Variants in PIBF1 observed in about 807,000 individuals in gnomAD.
PIBF1 encodes the protein progesterone-induced-blocking factor 1.
In PIBF1, 90 loss-of-function variants were observed where a neutral mutation model predicts 112.5. That is an observed-to-expected ratio of 0.80 (90% CI 0.67 to 0.95). The LOEUF (loss-of-function observed/expected upper bound fraction) is 0.95. PIBF1 is among the 40% of genes least tolerant of loss of function. The probability of loss-of-function intolerance (pLI) is 0.00; values close to 1 mark genes in which losing one functional copy is unlikely to be tolerated. For missense variants in PIBF1, 915 were observed against 852.3 expected, an observed-to-expected ratio of 1.07 and a Z score of -0.92; for synonymous variants, 301 against 288.6, an observed-to-expected ratio of 1.04 and a Z score of -0.44.
At position 72,832,071 on chromosome 13, in the gene PIBF1, CCTTTTTTTTTTTTTTTTT is replaced by C. The variant is rs1280199698; in HGVS notation, c.1098-3171_1098-3154del. The stretch of plus-strand genomic sequence containing the variant: ...TCAGAGATTAGAATTGCAATTCCGG[CCTTTTTTTTTTTTTTTTT>C]TTTTTTTTTTTTTGCTTTCCATTTG... On this transcript the variant is annotated intron_variant, in intron 8 of 17. Coordinates refer to ENST00000326291, the MANE Select transcript of PIBF1 (RefSeq NM_006346.4). 1.5e-4 allele frequency among the ~76,000 whole-genome samples: 9 copies of C among 59,492 alleles called. 1 individual carries two copies. The highest frequency in any genetic ancestry group is 3.3e-5 in the Non-Finnish European group (1 of 30,422). The allele number at this position is 59,492 out of a possible 152,430, so 39.0% of individuals were successfully genotyped here.
chr13:72,820,172 A>C (rs574485327), intron 5 of PIBF1, among the ~76,000 whole-genome samples: 1 of 152,004 alleles, frequency 6.6e-6, no homozygotes, highest in South Asian at 2.1e-4. Flanking sequence ...CTTCACAAGA[A>C]CTCTGAGGTA....
At chr13:72,879,566 A>G (rs1342991931) in intron 10 of PIBF1, among the ~76,000 whole-genome samples, 2 of 152,244 alleles carry the variant, frequency 1.3e-5, no homozygotes, top group African/African-American at 4.8e-5. Flanking sequence ...TAGAATGACA[A>G]CTATAGAGAA....
intron 14 of PIBF1, among the ~76,000 whole-genome samples, 169 bp downstream of exon 14, chr13:72,931,436 G>A (rs1024477609): frequency 6.6e-6 from 1 of 152,096 alleles, no homozygotes; most frequent in Non-Finnish European, 1.5e-5. Flanking sequence ...AACTTACAGT[G>A]TATGGCAAAA....
At chr13:72,903,481 T>C (rs1033360146) in intron 11 of PIBF1, among the ~76,000 whole-genome samples, 1 of 152,214 alleles carries the variant, frequency 6.6e-6, no homozygotes, top group Non-Finnish European at 1.5e-5. Flanking sequence ...TAGAGCTTTC[T>C]GTAATGATGC....
At chr13:72,906,619 TGGGA>T (rs1427865213) in intron 11 of PIBF1, among the ~76,000 whole-genome samples, 1 of 152,124 alleles carries the variant, frequency 6.6e-6, no homozygotes, top group Non-Finnish European at 1.5e-5. Context: ...CTAGAGGTAT[TGGGA>T]GATAGCCCAC....
intron 15 of PIBF1, among the ~76,000 whole-genome samples, chr13:72,968,011 C>A (rs1163719211): frequency 6.6e-6 from 1 of 151,916 alleles, no homozygotes; most frequent in Non-Finnish European, 1.5e-5. Flanking sequence ...CGGTGAAACC[C>A]TGTCTCTACT....
chr13:72,836,110 A>G, intron 9 of PIBF1: 2 of 454,444 alleles, frequency 4.4e-6, no homozygotes, highest in South Asian at 3.1e-5. Context: ...AAAAAAAAAA[A>G]GAAAAAAGAA....
intron 16 of PIBF1, among the ~76,000 whole-genome samples, chr13:72,979,613 G>A (rs923566313): frequency 2.0e-5 from 3 of 152,064 alleles, no homozygotes; most frequent in Middle Eastern, 3.2e-3. Flanking sequence ...AAAATGGACC[G>A]ATTTGAAAGC....
At chr13:72,806,424 G>A (rs76433811) in intron 5 of PIBF1, among the ~76,000 whole-genome samples, 16,881 of 151,488 alleles carry the variant, frequency 0.11, 1,277 homozygotes, top group Non-Finnish European at 0.16. Flanking sequence ...GGCACAACGT[G>A]CAGGTAGTGT....
intron 5 of PIBF1, among the ~76,000 whole-genome samples, chr13:72,803,081 TA>T (rs1222500994): frequency 6.6e-6 from 1 of 152,068 alleles, no homozygotes; most frequent in Non-Finnish European, 1.5e-5. Context: ...GGAGGAGGGA[TA>T]GGGTCAGCAG....
intron 11 of PIBF1, among the ~76,000 whole-genome samples, chr13:72,894,839 A>G (rs151066459): frequency 2.9e-4 from 44 of 150,006 alleles, no homozygotes; most frequent in African/African-American, 7.8e-4. Flanking sequence ...AATACAGATG[A>G]TCCAGGGGCA....
At chr13:72,800,596 T>C (rs1038512933) in intron 5 of PIBF1, among the ~76,000 whole-genome samples, 5 of 152,222 alleles carry the variant, frequency 3.3e-5, no homozygotes, top group African/African-American at 1.2e-4. Context: ...CGTGGTCATA[T>C]TATAAAGAAT....
intron 16 of PIBF1, among the ~76,000 whole-genome samples, chr13:72,989,071 A>C (rs1000146643): frequency 9.2e-5 from 14 of 152,154 alleles, no homozygotes. Context: ...TGAGATCTGG[A>C]ATATGTGTTA....
At chr13:72,928,629 A>G (rs948515384) in intron 13 of PIBF1, among the ~76,000 whole-genome samples, 20 of 152,044 alleles carry the variant, frequency 1.3e-4, no homozygotes, top group South Asian at 2.1e-4. Flanking sequence ...TAGTAGAGAC[A>G]GGGTTTCACC....
intron 13 of PIBF1, among the ~76,000 whole-genome samples, chr13:72,928,028 T>TATATATACATATATACATATATATAC (rs1555316970): frequency 3.4e-5 from 2 of 58,856 alleles, no homozygotes; most frequent in African/African-American, 1.0e-4. Flanking sequence ...TATATATACA[T>TATATATACATATATACATATATATAC]ATATATATAT....
At chr13:72,879,555 T>C (rs1207042845) in intron 10 of PIBF1, among the ~76,000 whole-genome samples, 2 of 152,194 alleles carry the variant, frequency 1.3e-5, no homozygotes, top group African/African-American at 4.8e-5. Flanking sequence ...AAGGCAGTTT[T>C]TAGAATGACA....
chr13:72,938,783 AC>A (rs994995289), intron 14 of PIBF1, among the ~76,000 whole-genome samples: 5 of 152,162 alleles, frequency 3.3e-5, no homozygotes, highest in African/African-American at 1.2e-4. Context: ...TTACATTCCC[AC>A]CAGCCATTTC....
intron 8 of PIBF1, 35 bp downstream of exon 8, chr13:72,827,949 C>A (rs1243649205): frequency 2.0e-5 from 28 of 1,414,370 alleles, no homozygotes; most frequent in Non-Finnish European, 2.5e-5. Context: ...TAAATAGATA[C>A]CAATTAACAG....
At chr13:72,979,465 C>G (rs2043102439) in intron 16 of PIBF1, among the ~76,000 whole-genome samples, 1 of 152,102 alleles carries the variant, frequency 6.6e-6, no homozygotes, top group South Asian at 2.1e-4. Flanking sequence ...TCGTTAGAAG[C>G]TGATGTAGAA....
Sources: allele counts gnomAD v4.1 joint callset (sites outside exome capture counted in the v4.1 genomes callset), GRCh38; gene constraint gnomAD v4.1.1; transcripts MANE v1.5; gene names NCBI Gene and HGNC (gene_info 2026-07-23, HGNC 2026-07-21).